The following TSPAN15 variants were observed in gnomAD, a reference collection of about 807,000 sequenced individuals.
TSPAN15 encodes tetraspanin 15, also known as tetraspanin-15.
TSPAN15 carries 20 observed loss-of-function variants against 34.5 expected under a neutral mutation model. The observed-to-expected ratio is 0.58, with a 90% CI of 0.41 to 0.84. TSPAN15 has a LOEUF of 0.84. Ranked by LOEUF, TSPAN15 falls within the 40% of genes least tolerant of loss-of-function variation. The pLI is 0.00. For synonymous variants in TSPAN15, 155 were observed against 153.9 expected, an observed-to-expected ratio of 1.01 and a Z score of -0.05; for missense variants, 313 against 386.1, an observed-to-expected ratio of 0.81 and a Z score of 1.59.
the TSPAN15 span, among the ~76,000 whole-genome samples, chr10:69,534,407 G>A: frequency 6.6e-6 from 1 of 152,172 alleles, no homozygotes; most frequent in Admixed American, 6.5e-5. Flanking sequence ...AGAATGTAAT[G>A]GTTATATGAT....
intron 5 of TSPAN15, among the ~76,000 whole-genome samples, chr10:69,501,215 G>A (rs889603086): frequency 2.0e-5 from 3 of 152,298 alleles, no homozygotes; most frequent in Admixed American, 6.5e-5. Flanking sequence ...TCAAAGATGC[G>A]GTTGGATATA....
intron 1 of TSPAN15, among the ~76,000 whole-genome samples, chr10:69,477,785 G>A (rs2133100737): frequency 6.6e-6 from 1 of 152,230 alleles, no homozygotes; most frequent in East Asian, 1.9e-4. Context: ...CCAGGCAGAC[G>A]AGTTTTGGTT....
chr10:69,528,512 C>T, the TSPAN15 span, among the ~76,000 whole-genome samples: 2 of 148,670 alleles, frequency 1.3e-5, no homozygotes, highest in Non-Finnish European at 3.0e-5. Context: ...ACATGGCAGG[C>T]AAGGGGCCTG....
At chr10:69,521,782 G>A in the TSPAN15 span, among the ~76,000 whole-genome samples, 1 of 147,310 alleles carries the variant, frequency 6.8e-6, no homozygotes, top group African/African-American at 2.5e-5. Flanking sequence ...TTCAGACTCA[G>A]ACTGAATTAC....
chr10:69,452,950 G>C (rs147345489), intron 1 of TSPAN15, among the ~76,000 whole-genome samples: 66 of 152,340 alleles, frequency 4.3e-4, no homozygotes, highest in African/African-American at 1.6e-3. Context: ...CCCTTTGTGG[G>C]TGGGGCCTTG....
intron 1 of TSPAN15, among the ~76,000 whole-genome samples, chr10:69,452,418 C>A (rs1840993281): frequency 6.6e-6 from 1 of 152,050 alleles, no homozygotes; most frequent in African/African-American, 2.4e-5. Flanking sequence ...GTTCCAATTT[C>A]AGTTTGTGCG....
rs1842334367 is a variant in TSPAN15 at position 69,506,723 on chromosome 10, C to A, written c.736-106C>A. 4 of 1,167,852 alleles carry A rather than the reference C, an allele frequency of 3.4e-6. No homozygotes were observed. Among genetic ancestry groups the A allele is most frequent in the Non-Finnish European group, 3.7e-6 (3 of 812,710 alleles). The allele number at this position is 1,167,852 out of a possible 1,614,324, so 72.3% of individuals were successfully genotyped here. On this transcript the variant is annotated intron_variant, in intron 7 of 7. Coordinates refer to ENST00000373290, the MANE Select transcript of TSPAN15 (RefSeq NM_012339.5). The surrounding 1 kb of genome is among the most constrained non-coding windows in gnomAD (Gnocchi z 4.7). ...GGGTGTTGCCCAGGTCACACAGGAC[C>A]ATGAGGGCTTGGGACTGGCTGCTTG...
chr10:69,516,476 T>G, the TSPAN15 span, among the ~76,000 whole-genome samples: 14 of 152,170 alleles, frequency 9.2e-5, no homozygotes, highest in African/African-American at 3.4e-4. Flanking sequence ...TTTAGACAGC[T>G]GCAGAGGGGC....
intron 3 of TSPAN15, among the ~76,000 whole-genome samples, chr10:69,492,611 C>T (rs978692434): frequency 1.3e-5 from 2 of 152,152 alleles, no homozygotes; most frequent in African/African-American, 2.4e-5. Flanking sequence ...AGGCCCCTCT[C>T]GAAGCCCGAG....
the TSPAN15 span, among the ~76,000 whole-genome samples, chr10:69,515,852 T>G: frequency 2.0e-5 from 3 of 152,222 alleles, no homozygotes; most frequent in African/African-American, 7.2e-5. Context: ...CAGCCAGCAC[T>G]CAGCAACTCC....
At chr10:69,489,945 G>A (rs986709106) in intron 3 of TSPAN15, among the ~76,000 whole-genome samples, 1 of 152,230 alleles carries the variant, frequency 6.6e-6, no homozygotes, top group Non-Finnish European at 1.5e-5. Context: ...GGGGCTTCTT[G>A]TGAGGGTGTC....
rs571885744 is a variant in TSPAN15 at position 69,478,254 on chromosome 10, A to T, written c.97-5437A>T. On this transcript the variant is annotated intron_variant, in intron 1 of 7. Transcript: ENST00000373290. ...GGGCCTCGGGACAGAGGGCCTTGGG[A>T]AGGGAGGTGCAGGGTTTCTCTGGGC... is the stretch of plus-strand genomic sequence containing the variant. Among the ~76,000 whole-genome samples the T allele has an allele frequency of 2.0e-5, 3 of 152,176 alleles. No individual in the cohort carries two copies. The East Asian group carries it at 5.8e-4, about 29-fold the overall frequency.
chr10:69,504,304 C>G, intron 5 of TSPAN15, 134 bp from the exon 6 acceptor site: 1 of 700,028 alleles, frequency 1.4e-6, no homozygotes. Context: ...CTGCCTGGGT[C>G]GGAATCTCAG....
intron 2 of TSPAN15, 150 bp from the exon 3 acceptor site, chr10:69,484,991 A>T: frequency 1.4e-6 from 1 of 722,540 alleles, no homozygotes; most frequent in Non-Finnish European, 2.4e-6. Flanking sequence ...ACGTTCTCAC[A>T]GGAGGAGGGG....
chr10:69,495,718 C>T (rs747562549), intron 4 of TSPAN15, 29 bp downstream of exon 4: 18 of 1,497,836 alleles, frequency 1.2e-5, no homozygotes, highest in East Asian at 6.8e-5. Flanking sequence ...GGTAGAGATG[C>T]GCCTCCCGTG....
intron 1 of TSPAN15, among the ~76,000 whole-genome samples, chr10:69,479,555 A>G (rs776766384): frequency 2.0e-5 from 3 of 152,170 alleles, no homozygotes; most frequent in African/African-American, 4.8e-5. Context: ...AGCTGAGGCC[A>G]TCCTGCTTGA....
chr10:69,465,821 C>T (rs192747722), intron 1 of TSPAN15, among the ~76,000 whole-genome samples: 8 of 152,160 alleles, frequency 5.3e-5, no homozygotes, highest in African/African-American at 1.4e-4. Context: ...TTTAGTCACT[C>T]ATCAAACATG....
intron 1 of TSPAN15, among the ~76,000 whole-genome samples, chr10:69,464,622 G>C (rs746600009): frequency 2.6e-5 from 4 of 152,240 alleles, no homozygotes; most frequent in Non-Finnish European, 4.4e-5. Context: ...TGTAAAACGT[G>C]GGATTCCCTG....
In TSPAN15 at chr10:69,506,894, T is replaced by C; in HGVS notation, c.801T>C (p.Ser267=). Residue 267 remains serine, a synonymous_variant, in exon 8 of 8, where the codon TCT becomes TCC. Transcript: ENST00000373290. This position sits in a 1 kb window ranked among gnomAD's most constrained non-coding sequence, Gnocchi z 4.7. ...TGGAGGACATCATCATGGAGCACTC[T>C]GTCACTGATGGGCTCCTGGGGCCCG... is the stretch of plus-strand genomic sequence containing the variant. ...TRVEDIIMEH[S]VTDGLLGPGA... The C allele has an allele frequency of 6.2e-7, 1 of 1,607,202 alleles. No homozygotes were observed. The highest frequency in any genetic ancestry group is 1.1e-5 in the South Asian group (1 of 89,110).
Sources: gnomAD v4.1 joint callset for allele counts (sites outside exome capture counted in the v4.1 genomes callset) on GRCh38, gnomAD v4.1.1 for gene constraint, Gnocchi (gnomAD v3.1) non-coding constraint, MANE v1.5 for transcripts, NCBI Gene and HGNC (gene_info 2026-07-23, HGNC 2026-07-21) for gene names.